IMPG2: variants seen among roughly 807,000 people sequenced by gnomAD.
The protein encoded by IMPG2 is interphotoreceptor matrix proteoglycan 2.
In IMPG2, 91 loss-of-function variants were observed where a neutral mutation model predicts 129.2. The observed-to-expected ratio is 0.70, with a 90% CI of 0.59 to 0.84. IMPG2 has a LOEUF of 0.84. IMPG2 is among the 40% of genes least tolerant of loss of function. The pLI is 0.00. For synonymous variants in IMPG2, 510 were observed against 517.7 expected, an observed-to-expected ratio of 0.99 and a Z score of 0.20; for missense variants, 1,430 against 1,461.7, an observed-to-expected ratio of 0.98 and a Z score of 0.35.
At chr3:101,267,383 G>C in intron 9 of IMPG2, 128 bp downstream of exon 9, 1 of 838,208 alleles carries the variant, frequency 1.2e-6, no homozygotes, top group Non-Finnish European at 2.0e-6. Flanking sequence ...ACCCTGATCT[G>C]AAAAAGTCAG....
chr3:101,226,793 C>A lies in IMPG2; in HGVS notation c.*176G>T, dbSNP rs1706229340. 2 of 633,450 alleles carry A rather than the reference C, an allele frequency of 3.2e-6. No homozygotes were observed. The highest frequency in any genetic ancestry group is 1.8e-5 in the African/African-American group (1 of 54,138). The allele number at this position is 633,450 out of a possible 1,614,324, so 39.2% of individuals were successfully genotyped here. On this transcript the variant is annotated 3_prime_UTR_variant, in exon 19 of 19. Transcript: ENST00000193391. Reference sequence around the variant, plus strand: ...TATAGAAATAAAAATGGTAACATCTCTTACTACATTCTGAAAACTTAAGCT... The same window carrying A: ...TATAGAAATAAAAATGGTAACATCTATTACTACATTCTGAAAACTTAAGCT...
chr3:101,296,101 G>T (rs773455496), intron 3 of IMPG2, among the ~76,000 whole-genome samples: 7 of 152,166 alleles, frequency 4.6e-5, no homozygotes, highest in Non-Finnish European at 8.8e-5. Flanking sequence ...ATACTATGTT[G>T]AATAGGAAGA....
intron 9 of IMPG2, among the ~76,000 whole-genome samples, chr3:101,266,562 C>T (rs1053766084): frequency 1.2e-4 from 18 of 152,138 alleles, no homozygotes; most frequent in South Asian, 6.2e-4. Flanking sequence ...TATTAAATTG[C>T]GTGCTTATAT....
intron 9 of IMPG2, among the ~76,000 whole-genome samples, chr3:101,266,092 A>G (rs891145988): frequency 2.0e-5 from 3 of 152,196 alleles, no homozygotes; most frequent in Admixed American, 6.5e-5. Flanking sequence ...ACTCTTACAT[A>G]CTTCTGGTGG....
chr3:101,284,632 A>G lies in IMPG2; in HGVS notation c.533+6847T>C, dbSNP rs189907996. The stretch of plus-strand genomic sequence containing the variant: ...TAAATATCCTTAGTAGGTATTAAAC[A>G]AACAAATTCATGTATATTTAGGACA... On this transcript the variant is annotated intron_variant, in intron 4 of 18. Coordinates refer to ENST00000193391, the MANE Select transcript of IMPG2 (RefSeq NM_016247.4). Among the ~76,000 whole-genome samples the G allele has an allele frequency of 1.2e-4, 19 of 152,348 alleles. No individual in the cohort carries two copies. The East Asian group carries it at 3.7e-3, about 29-fold the overall frequency.
At chr3:101,248,304 C>T (rs1043335190) in intron 11 of IMPG2, among the ~76,000 whole-genome samples, 2 of 152,176 alleles carry the variant, frequency 1.3e-5, no homozygotes, top group Non-Finnish European at 2.9e-5. Flanking sequence ...TGCACAAGAG[C>T]TCATCTCTTG....
intron 9 of IMPG2, among the ~76,000 whole-genome samples, chr3:101,264,279 G>A (rs1209100327): frequency 6.6e-6 from 1 of 151,986 alleles, no homozygotes; most frequent in Admixed American, 6.6e-5. Context: ...AATCCCTGAT[G>A]AACACAGATG....
chr3:101,223,496 A>G lies in IMPG2; in HGVS notation c.*3473T>C, dbSNP rs1271990992. ...TCAATTCAGAGACAGAAAGATGTCAAAGTACCCATTGCTGAAAACAGAAAT... is the reference window on the plus strand; with the variant it reads ...TCAATTCAGAGACAGAAAGATGTCAGAGTACCCATTGCTGAAAACAGAAAT... On this transcript the variant is annotated 3_prime_UTR_variant, in exon 19 of 19. Coordinates refer to ENST00000193391, the MANE Select transcript of IMPG2 (RefSeq NM_016247.4). 6.6e-6 allele frequency: 1 copy of G among 152,214 alleles called. No homozygotes were observed. The highest frequency in any genetic ancestry group is 2.4e-5 in the African/African-American group (1 of 41,446). 9.4% of individuals were successfully genotyped at this position (152,214 alleles called of 1,614,324 possible).
chr3:101,287,977 T>C (rs906202292), intron 4 of IMPG2, among the ~76,000 whole-genome samples: 4 of 152,130 alleles, frequency 2.6e-5, no homozygotes, highest in Admixed American at 6.5e-5. Context: ...GGAGAAAATA[T>C]TCACAAACTA....
chr3:101,317,512 A>C (rs2058791630), intron 2 of IMPG2, among the ~76,000 whole-genome samples: 1 of 152,166 alleles, frequency 6.6e-6, no homozygotes, highest in African/African-American at 2.4e-5. Flanking sequence ...CCCTCCCTCT[A>C]AATTGCAAAC....
rs1253872402 is a variant in IMPG2, at chr3:101,253,843, G to A, written c.1154-62C>T. 4.4e-6 allele frequency: 5 copies of A among 1,149,008 alleles called. No homozygotes were observed. The African/African-American group carries it at 4.6e-5, about 10-fold the overall frequency. The allele number at this position is 1,149,008 out of a possible 1,614,324, so 71.2% of individuals were successfully genotyped here. A position where few individuals can be genotyped will look rare whatever the true frequency, so the allele number is the denominator to read the frequency against. ...GAGGCCCTATTGTATTTGAGGTGCA[G>A]GGACAACTGAAAGTCAAGTTCTTTC... On this transcript the variant is annotated intron_variant, in intron 10 of 18. Coordinates refer to ENST00000193391, the MANE Select transcript of IMPG2 (RefSeq NM_016247.4).
intron 4 of IMPG2, among the ~76,000 whole-genome samples, chr3:101,286,294 G>A (rs1427694504): frequency 6.6e-6 from 1 of 152,032 alleles, no homozygotes; most frequent in Non-Finnish European, 1.5e-5. Context: ...ACATTTAAAA[G>A]GGCAAATATC....
intron 17 of IMPG2, 100 bp downstream of exon 17, chr3:101,229,265 AAAGTCCATGTGCATG>A (rs1378493175): frequency 4.0e-5 from 35 of 883,214 alleles, no homozygotes; most frequent in Non-Finnish European, 5.6e-6. Flanking sequence ...ACACTTTCTT[AAAGTCCATGTGCATG>A]CACACATACA....
At chr3:101,304,095 TA>T (rs767149485) in intron 3 of IMPG2, 50 bp downstream of exon 3, 28 of 1,596,082 alleles carry the variant, frequency 1.8e-5, no homozygotes, top group Admixed American at 1.2e-4. Context: ...CTTAGCTGTG[TA>T]AATGCTCCTA....
Position 101,270,302 on chromosome 3 carries a change from C to T in IMPG2, c.829-729G>A, listed in dbSNP as rs539985657. Among the ~76,000 whole-genome samples the T allele has an allele frequency of 2.1e-4, 32 of 152,206 alleles. No homozygotes were observed. In the South Asian group the frequency reaches 2.7e-3, roughly 13 times the overall value. The stretch of plus-strand genomic sequence containing the variant: ...TGAAAAACAGTCTAGTGTTTGTTTT[C>T]TGTAAGTGTGAAAGTGGCTGCTGGC... On this transcript the variant is annotated intron_variant, in intron 7 of 18. Coordinates refer to ENST00000193391, the MANE Select transcript of IMPG2 (RefSeq NM_016247.4).
intron 2 of IMPG2, among the ~76,000 whole-genome samples, chr3:101,307,210 A>C (rs1384037359): frequency 2.0e-5 from 3 of 152,240 alleles, no homozygotes; most frequent in Non-Finnish European, 4.4e-5. Context: ...GAATGACTGA[A>C]ATTTTTACAT....
rs1411177588 is a variant in IMPG2 at position 101,226,948 on chromosome 3, G to A, written c.*21C>T. 6.2e-7 allele frequency: 1 copy of A among 1,611,718 alleles called. No individual in the cohort carries two copies. Among genetic ancestry groups the A allele is most frequent in the African/African-American group, 1.3e-5 (1 of 74,772 alleles). ...TCCATCTTCTCCAGGCTTCTAATCA[G>A]TTTCAGAACAGGAGTTTTGGTTAAA... On this transcript the variant is annotated 3_prime_UTR_variant, in exon 19 of 19. Transcript: ENST00000193391.
At chr3:101,239,304 A>G (rs1706380740) in intron 14 of IMPG2, among the ~76,000 whole-genome samples, 1 of 152,228 alleles carries the variant, frequency 6.6e-6, no homozygotes, top group South Asian at 2.1e-4. Context: ...TCAAAAGAAA[A>G]CATTTATGCA....
At chr3:101,276,263 T>A (rs1284866800) in intron 5 of IMPG2, among the ~76,000 whole-genome samples, 1 of 152,168 alleles carries the variant, frequency 6.6e-6, no homozygotes, top group Admixed American at 6.5e-5. Flanking sequence ...CAAAGGAACA[T>A]GTTAAACTAT....
Sources: gnomAD v4.1 joint callset for allele counts (sites outside exome capture counted in the v4.1 genomes callset) on GRCh38, gnomAD v4.1.1 for gene constraint, MANE v1.5 for transcripts, NCBI Gene and HGNC (gene_info 2026-07-23, HGNC 2026-07-21) for gene names.